ARMC6: variants seen among roughly 807,000 people sequenced by gnomAD.
The protein encoded by ARMC6 is armadillo repeat-containing protein 6.
Under a neutral mutation model 49.2 loss-of-function variants are expected in ARMC6, and 43 were observed. The observed-to-expected ratio is 0.87, with a 90% CI of 0.69 to 1.13. The LOEUF (loss-of-function observed/expected upper bound fraction) is 1.13, where lower values mean the gene tolerates loss of function less well. Among genes scored for constraint, ARMC6 ranks in the 50% most tolerant of loss-of-function variants. The pLI, the probability that ARMC6 is intolerant of heterozygous loss-of-function variation, is 0.00. For synonymous variants in ARMC6, 262 were observed against 289.6 expected, an observed-to-expected ratio of 0.90 and a Z score of 0.97; for missense variants, 627 against 682.0, an observed-to-expected ratio of 0.92 and a Z score of 0.90.
At position 19,042,710 on chromosome 19, in the gene ARMC6, G is replaced by T; in HGVS notation, c.30-1G>T. The T allele has an allele frequency of 6.2e-7, 1 of 1,612,468 alleles. No homozygotes were observed. Among genetic ancestry groups the T allele is most frequent in the Non-Finnish European group, 8.5e-7 (1 of 1,180,000 alleles). ...GCTCTCTCTTTGCCCTAACCTCTCA[G>T]CTCAGGAGCATCTATCGGCTGCACG... On this transcript the variant is annotated splice_acceptor_variant, in intron 2 of 8. Coordinates refer to ENST00000535612, the MANE Select transcript of ARMC6 (RefSeq NM_001199196.2). LOFTEE classifies it high-confidence loss of function.
intron 2 of ARMC6, chr19:19,040,631 T>C: frequency 3.3e-6 from 1 of 304,352 alleles, no homozygotes; most frequent in Admixed American, 4.3e-5. Flanking sequence ...TTTGTTTTAG[T>C]ATTATGAAAG....
chr19:19,034,843 G>C (rs1160107500), intron 2 of ARMC6, among the ~76,000 whole-genome samples: 6 of 151,012 alleles, frequency 4.0e-5, no homozygotes, highest in Non-Finnish European at 8.8e-5. Flanking sequence ...GGGATTACCG[G>C]TGTGCACTAT....
intron 4 of ARMC6, among the ~76,000 whole-genome samples, chr19:19,049,243 G>A (rs1450968012): frequency 6.6e-6 from 1 of 151,950 alleles, no homozygotes; most frequent in African/African-American, 2.4e-5. Context: ...TTTAGAGACA[G>A]GGTTTTACCA....
chr19:19,053,256 G>C (rs915110027), intron 5 of ARMC6, among the ~76,000 whole-genome samples: 1 of 152,156 alleles, frequency 6.6e-6, no homozygotes. Context: ...GGGAGGCTGA[G>C]GTAGAAGGAT....
intron 2 of ARMC6, chr19:19,040,690 C>T: frequency 2.8e-6 from 1 of 362,338 alleles, no homozygotes; most frequent in Non-Finnish European, 5.5e-6. Flanking sequence ...TGACTGTCAG[C>T]CAGGCTGGAG....
chr19:19,055,838 G>A lies in ARMC6; in HGVS notation c.1203G>A (p.Lys401=). 1 of 1,611,458 alleles carries A rather than the reference G, an allele frequency of 6.2e-7. No homozygotes were observed. Among genetic ancestry groups the A allele is most frequent in the Non-Finnish European group, 8.5e-7 (1 of 1,178,288 alleles). Residue 401 remains lysine (K), a synonymous_variant, in exon 8 of 9, where the codon AAG becomes AAA. Transcript: ENST00000535612. The surrounding 1 kb of genome is among the most constrained non-coding windows in gnomAD (Gnocchi z 5.7). The part of the protein sequence containing the change: ...CAALCFLALR[K]PDNSRIIVEG... ...CCCTGTGCTTCCTGGCCCTGCGTAAGCCCGACAACAGCCGCATCATCGTGG... is the reference window on the plus strand; with the variant it reads ...CCCTGTGCTTCCTGGCCCTGCGTAAACCCGACAACAGCCGCATCATCGTGG...
rs1488657922 is a variant in ARMC6, at chr19:19,055,422, G to A, written c.1155+26G>A. The A allele has an allele frequency of 6.4e-7, 1 of 1,567,138 alleles. No individual in the cohort carries two copies. The highest frequency in any genetic ancestry group is 8.6e-7 in the Non-Finnish European group (1 of 1,157,278). On this transcript the variant is annotated intron_variant, in intron 7 of 8. Transcript: ENST00000535612. This position sits in a 1 kb window ranked among gnomAD's most constrained non-coding sequence, Gnocchi z 5.7. ...GTACCCACCTCGGGGGGCACACACAGTAGCAGGGTGGTGGCTGGAGTCCCA... is the reference window on the plus strand; with the variant it reads ...GTACCCACCTCGGGGGGCACACACAATAGCAGGGTGGTGGCTGGAGTCCCA...
chr19:19,045,004 T>TTA (rs1199271843), intron 4 of ARMC6, among the ~76,000 whole-genome samples: 2 of 152,066 alleles, frequency 1.3e-5, no homozygotes, highest in African/African-American at 2.4e-5. Flanking sequence ...ATTTATTTTA[T>TTA]TATATATATA....
At position 19,057,693 on chromosome 19, in the gene ARMC6, A is replaced by G. The variant is rs755721257; in HGVS notation, c.*65A>G. The G allele has an allele frequency of 4.7e-6, 7 of 1,477,706 alleles. No homozygotes were observed. The highest frequency in any genetic ancestry group is 5.6e-6 in the Non-Finnish European group (6 of 1,071,832). 91.5% of individuals were successfully genotyped at this position (1,477,706 alleles called of 1,614,324 possible). On this transcript the variant is annotated 3_prime_UTR_variant, in exon 9 of 9. Transcript: ENST00000535612. ...GTGACTCAGGAATGGGGGTAGATCC[A>G]TGTCCTCCACTGTCCCCCATTAGTT...
intron 5 of ARMC6, among the ~76,000 whole-genome samples, 198 bp downstream of exon 5, chr19:19,052,393 C>T (rs2059506251): frequency 6.6e-6 from 1 of 152,178 alleles, no homozygotes; most frequent in Non-Finnish European, 1.5e-5. Flanking sequence ...GAATTCCAGG[C>T]CAGCACTCAG....
In ARMC6 at chr19:19,033,624, A is replaced by T; in HGVS notation, c.-386A>T. 1 of 1,150,180 alleles carries T rather than the reference A, an allele frequency of 8.7e-7. No individual in the cohort carries two copies. Among genetic ancestry groups the T allele is most frequent in the Non-Finnish European group, 1.1e-6 (1 of 933,408 alleles). The allele number at this position is 1,150,180 out of a possible 1,614,324, so 71.2% of individuals were successfully genotyped here. ...CGCCGCGGCCCGGCTCTCTTGCGCA[A>T]GCGCGCTGTCCGCTTCTTCTGGGCG... On this transcript the variant is annotated 5_prime_UTR_variant, in exon 1 of 9. In the 5' UTR this introduces an upstream ATG that the reference lacks. Coordinates refer to ENST00000535612, the MANE Select transcript of ARMC6 (RefSeq NM_001199196.2).
chr19:19,049,689 T>C (rs2059480885), intron 4 of ARMC6, among the ~76,000 whole-genome samples: 1 of 152,182 alleles, frequency 6.6e-6, no homozygotes, highest in Admixed American at 6.6e-5. Context: ...TCATTCTACC[T>C]TCTGTTGCTG....
chr19:19,053,882 A>T (rs2059520528), intron 5 of ARMC6, among the ~76,000 whole-genome samples: 1 of 149,432 alleles, frequency 6.7e-6, no homozygotes, highest in Middle Eastern at 3.2e-3. Context: ...TTCTTTTTTT[A>T]GGTGAGACCA....
chr19:19,035,411 T>G (rs2059354624), intron 2 of ARMC6, among the ~76,000 whole-genome samples: 1 of 152,232 alleles, frequency 6.6e-6, no homozygotes, highest in South Asian at 2.1e-4. Flanking sequence ...CCCTGATGGA[T>G]AATAGGGACT....
intron 4 of ARMC6, 51 bp from the exon 5 acceptor site, chr19:19,051,571 A>G: frequency 6.7e-7 from 1 of 1,497,866 alleles, no homozygotes; most frequent in Non-Finnish European, 9.0e-7. Context: ...TGCTGTGGCC[A>G]TGGGTTCCTC....
chr19:19,044,685 G>A (rs1414061204), intron 4 of ARMC6, among the ~76,000 whole-genome samples: 1 of 152,222 alleles, frequency 6.6e-6, no homozygotes, highest in Admixed American at 6.5e-5. Flanking sequence ...CTGGTTCTGT[G>A]CAGGTACTTT....
chr19:19,033,960 C>G (rs2145824887), intron 1 of ARMC6, 30 bp downstream of exon 1: 1 of 516,592 alleles, frequency 1.9e-6, no homozygotes, highest in Non-Finnish European at 3.5e-6. Flanking sequence ...GAGGCCTGTC[C>G]CGCGCGGAGT....
chr19:19,048,111 C>G (rs1427887816), intron 4 of ARMC6, among the ~76,000 whole-genome samples: 1 of 152,044 alleles, frequency 6.6e-6, no homozygotes, highest in African/African-American at 2.4e-5. Context: ...CTTTGGGAGC[C>G]CAGGCAGGTG....
chr19:19,043,021 G>C, intron 3 of ARMC6, 144 bp downstream of exon 3: 1 of 1,022,538 alleles, frequency 9.8e-7, no homozygotes, highest in Admixed American at 2.4e-5. Context: ...TCCAGCTTCT[G>C]CCCGAGGCAG....
Sources: allele counts gnomAD v4.1 joint callset (sites outside exome capture counted in the v4.1 genomes callset), GRCh38; gene constraint gnomAD v4.1.1; non-coding constraint Gnocchi (gnomAD v3.1); transcripts MANE v1.5; gene names NCBI Gene and HGNC (gene_info 2026-07-23, HGNC 2026-07-21).